Variants in ERICH6B observed in about 807,000 individuals in gnomAD.
ERICH6B encodes glutamate rich 6B.
ERICH6B carries 69 observed loss-of-function variants against 80.0 expected under a neutral mutation model. That is an observed-to-expected ratio of 0.86 (90% CI 0.71 to 1.05). The LOEUF (loss-of-function observed/expected upper bound fraction) is 1.05. ERICH6B is among the 50% of genes least tolerant of loss of function. ERICH6B has a pLI of 0.00. For synonymous variants in ERICH6B, 283 were observed against 291.9 expected (o/e 0.97, Z 0.31); for missense variants, 754 against 796.1 (o/e 0.95, Z 0.64).
rs562687102 is a variant in ERICH6B, at chr13:45,596,502, C to T, written c.504G>A (p.Glu168=). The T allele has an allele frequency of 6.5e-7, 1 of 1,541,978 alleles. No individual in the cohort carries two copies. Among genetic ancestry groups the T allele is most frequent in the East Asian group, 2.4e-5 (1 of 40,852 alleles). Residue 168 remains glutamate (E), a synonymous_variant, in exon 3 of 15, where the codon GAG becomes GAA. Transcript: ENST00000298738. ...LGKKAYLEEE[E]YLGKKSYLEE... is the part of the protein sequence containing the mutation. ...CTAGATATGATTTCTTCCCCAGATACTCCTCCTCCTCCAGATACGCTTTCT... is the reference window on the plus strand; with the variant it reads ...CTAGATATGATTTCTTCCCCAGATATTCCTCCTCCTCCAGATACGCTTTCT...
Position 45,574,937 on chromosome 13 carries a change from AT to A in ERICH6B, c.962-8del. ...TTAGAAGCAAACTCCAGGACTTTCG[AT>A]TTTGGAAGGAGCGTCGAAAGGAAGG... On this transcript the variant is annotated splice_region_variant and splice_polypyrimidine_tract_variant and intron_variant, in intron 7 of 14. Transcript: ENST00000298738. 1 of 1,547,372 alleles carries A rather than the reference AT, an allele frequency of 6.5e-7. No homozygotes were observed. The highest frequency in any genetic ancestry group is 8.7e-7 in the Non-Finnish European group (1 of 1,143,912).
In ERICH6B at chr13:45,615,680, C is replaced by T. The variant is rs776769126; in HGVS notation, c.-111+5G>A. ...GAGCGCATTGCTAACGTGCGCAGCC[C>T]TTACCCAAGCCAGGCTCCCGCGCGT... On this transcript the variant is annotated splice_donor_5th_base_variant and intron_variant, in intron 1 of 14. Coordinates refer to ENST00000298738, the MANE Select transcript of ERICH6B (RefSeq NM_182542.3). 1 of 152,332 alleles carries T rather than the reference C, an allele frequency of 6.6e-6. No homozygotes were observed. Among genetic ancestry groups the T allele is most frequent in the Non-Finnish European group, 1.5e-5 (1 of 68,114 alleles). 9.4% of individuals were successfully genotyped at this position (152,332 alleles called of 1,614,324 possible). A position where few individuals can be genotyped will look rare whatever the true frequency, so the allele number is the denominator to read the frequency against.
intron 7 of ERICH6B, among the ~76,000 whole-genome samples, chr13:45,577,022 C>T (rs1473536489): frequency 6.6e-6 from 1 of 152,108 alleles, no homozygotes; most frequent in East Asian, 1.9e-4. Context: ...GAAGTCACTC[C>T]ATGAGAGGAT....
Position 45,596,708 on chromosome 13 carries a change from T to TCTCCAGATACTCTTCCTC in ERICH6B, c.280_297dup (p.Glu94_Glu99dup). The TCTCCAGATACTCTTCCTC allele has an allele frequency of 2.6e-6, 4 of 1,549,974 alleles. No individual in the cohort carries two copies. The highest frequency in any genetic ancestry group is 3.5e-6 in the Non-Finnish European group (4 of 1,146,540). On this transcript the variant is annotated inframe_insertion, in exon 3 of 15. Coordinates refer to ENST00000298738, the MANE Select transcript of ERICH6B (RefSeq NM_182542.3). ...TCTTCCTCCTCCAGATACCCTGCCT[T>TCTCCAGATACTCTTCCTC]CTCCAGATACTCTTCCTCCTCCAGA...
intron 11 of ERICH6B, chr13:45,552,744 T>C (rs1003089804): frequency 1.3e-5 from 2 of 152,824 alleles, no homozygotes; most frequent in Non-Finnish European, 2.9e-5. Flanking sequence ...GTGTCTCCAG[T>C]AGTTTCCATT....
At chr13:45,610,865 ATATT>A (rs1436229466) in intron 1 of ERICH6B, among the ~76,000 whole-genome samples, 5 of 149,906 alleles carry the variant, frequency 3.3e-5, no homozygotes, top group African/African-American at 9.9e-5. Context: ...GTGTATATAT[ATATT>A]TATATATAAT....
intron 2 of ERICH6B, among the ~76,000 whole-genome samples, chr13:45,602,273 G>A (rs1243833108): frequency 6.6e-6 from 1 of 152,174 alleles, no homozygotes; most frequent in Non-Finnish European, 1.5e-5. Flanking sequence ...CCTGACTTGA[G>A]GGATTTTCTT....
At chr13:45,605,055 C>T (rs1242318338) in intron 2 of ERICH6B, among the ~76,000 whole-genome samples, 2 of 152,136 alleles carry the variant, frequency 1.3e-5, no homozygotes, top group African/African-American at 4.8e-5. Flanking sequence ...TGAGACCCGG[C>T]CCCTGGAATC....
intron 1 of ERICH6B, among the ~76,000 whole-genome samples, chr13:45,608,582 T>G (rs1949882464): frequency 6.6e-6 from 1 of 152,246 alleles, no homozygotes; most frequent in African/African-American, 2.4e-5. Context: ...TTTTTGCATG[T>G]TTTTTGTTAA....
intron 11 of ERICH6B, chr13:45,551,736 T>C (rs1442256301): frequency 6.6e-6 from 1 of 152,248 alleles, no homozygotes; most frequent in Non-Finnish European, 1.5e-5. Flanking sequence ...ATGGGGACTC[T>C]AACCTCATCA....
intron 13 of ERICH6B, among the ~76,000 whole-genome samples, chr13:45,546,099 C>A (rs1299225975): frequency 6.6e-6 from 1 of 152,156 alleles, no homozygotes; most frequent in Non-Finnish European, 1.5e-5. Flanking sequence ...ATTCCTGTTG[C>A]CCAGCCTTGT....
rs1287233950 is a variant in ERICH6B at position 45,613,879 on chromosome 13, TAGG to T, written c.-111+1803_-111+1805del. On this transcript the variant is annotated intron_variant, in intron 1 of 14. Coordinates refer to ENST00000298738, the MANE Select transcript of ERICH6B (RefSeq NM_182542.3). Reference sequence around the variant, plus strand: ...AAGAGGCCGGTAAACCACTAAGGTCTAGGAGGAGACCAATCGGTGTTGGGCTGG... The same window carrying T: ...AAGAGGCCGGTAAACCACTAAGGTCTAGGAGACCAATCGGTGTTGGGCTGG... Among the ~76,000 whole-genome samples, 5 of 152,316 alleles carry T rather than the reference TAGG, an allele frequency of 3.3e-5. No individual in the cohort carries two copies. In the South Asian group the frequency reaches 8.3e-4, roughly 25 times the overall value.
In ERICH6B at chr13:45,608,903, T is replaced by C. The variant is rs931837755; in HGVS notation, c.-110-1288A>G. Among the ~76,000 whole-genome samples, 4 of 152,172 alleles carry C rather than the reference T, an allele frequency of 2.6e-5. No homozygotes were observed. In the East Asian group the frequency reaches 7.7e-4, roughly 29 times the overall value. ...GAAAGTTTGGGAACCTCTGGTATAATTCCCTGAGTGCTCAGATGAAGAAGC... is the reference window on the plus strand; with the variant it reads ...GAAAGTTTGGGAACCTCTGGTATAACTCCCTGAGTGCTCAGATGAAGAAGC... On this transcript the variant is annotated intron_variant, in intron 1 of 14. Transcript: ENST00000298738.
At chr13:45,595,532 T>C (rs1223709568) in intron 3 of ERICH6B, among the ~76,000 whole-genome samples, 1 of 151,938 alleles carries the variant, frequency 6.6e-6, no homozygotes, top group African/African-American at 2.4e-5. Context: ...AATATATGTG[T>C]GTGTGTATAT....
chr13:45,574,816 G>C (rs373461118), intron 8 of ERICH6B, 26 bp downstream of exon 8: 31 of 1,510,506 alleles, frequency 2.1e-5, no homozygotes, highest in South Asian at 4.8e-5. Flanking sequence ...GCTGGGGGGG[G>C]GGTCTCAAGT....
intron 11 of ERICH6B, among the ~76,000 whole-genome samples, chr13:45,554,723 A>G (rs1198936843): frequency 6.6e-6 from 1 of 152,194 alleles, no homozygotes; most frequent in African/African-American, 2.4e-5. Context: ...CAAGAGCTTA[A>G]AGTGCAGAGT....
chr13:45,595,774 C>A (rs1876341857), intron 3 of ERICH6B, among the ~76,000 whole-genome samples: 1 of 150,244 alleles, frequency 6.7e-6, no homozygotes, highest in South Asian at 2.1e-4. Flanking sequence ...TCTTGAGTAG[C>A]TGGGACCACA....
chr13:45,597,065 T>C lies in ERICH6B; in HGVS notation c.-58-2A>G. The C allele has an allele frequency of 6.8e-7, 1 of 1,460,640 alleles. No homozygotes were observed. Among genetic ancestry groups the C allele is most frequent in the Non-Finnish European group, 9.1e-7 (1 of 1,103,166 alleles). The allele number at this position is 1,460,640 out of a possible 1,614,324, so 90.5% of individuals were successfully genotyped here. A position where few individuals can be genotyped will look rare whatever the true frequency, so the allele number is the denominator to read the frequency against. Reference sequence around the variant, plus strand: ...AGCAGCCAACGTCACTTTATTATCCTGTATCCAAGAAAGGAATAAAATCCT... The same window carrying C: ...AGCAGCCAACGTCACTTTATTATCCCGTATCCAAGAAAGGAATAAAATCCT... On this transcript the variant is annotated splice_acceptor_variant, in intron 2 of 14. Coordinates refer to ENST00000298738, the MANE Select transcript of ERICH6B (RefSeq NM_182542.3). LOFTEE classifies it low-confidence loss of function (5UTR_SPLICE).
intron 7 of ERICH6B, among the ~76,000 whole-genome samples, chr13:45,577,639 G>A (rs1022839436): frequency 6.6e-6 from 1 of 151,856 alleles, no homozygotes; most frequent in African/African-American, 2.4e-5. Context: ...TTAGGGACAG[G>A]GTCTCTCTCT....
Sources: allele counts gnomAD v4.1 joint callset (sites outside exome capture counted in the v4.1 genomes callset), GRCh38; gene constraint gnomAD v4.1.1; transcripts MANE v1.5; gene names NCBI Gene and HGNC (gene_info 2026-07-23, HGNC 2026-07-21).